The following MST1R variants were observed in gnomAD, a reference collection of about 807,000 sequenced individuals.
MST1R encodes macrophage-stimulating protein receptor.
MST1R carries 99 observed loss-of-function variants against 117.8 expected under a neutral mutation model. That is an observed-to-expected ratio of 0.84 (90% confidence interval 0.71 to 0.99). The LOEUF (loss-of-function observed/expected upper bound fraction) is 0.99. Among genes scored for constraint, MST1R ranks in the 50% least tolerant of loss-of-function variants. The pLI, the probability that MST1R is intolerant of heterozygous loss-of-function variation, is 0.00. For synonymous variants in MST1R, 734 were observed against 765.3 expected (o/e 0.96, Z 0.68); for missense variants, 1,683 against 1,840.2 (o/e 0.91, Z 1.56).
In MST1R at chr3:49,898,090, C is replaced by T. The variant is rs755407358; in HGVS notation, c.1841G>A (p.Ser614Asn). Residue 614 changes from serine to asparagine, a missense_variant, in exon 5 of 20, where the codon AGT becomes AAT. Physicochemically the swap from Ser to Asn is conservative, Grantham distance 46 (BLOSUM62 1). Coordinates refer to ENST00000296474, the MANE Select transcript of MST1R (RefSeq NM_002447.4). ...EGTHQVTVGQ[S>N]PCRPLPKDSS... ...GTCCTTGGGCAGTGGCCGGCAGGGA[C>T]TTTGGCCCACAGTGACCTGATGGGT... 1.2e-6 allele frequency: 2 copies of T among 1,614,078 alleles called. No homozygotes were observed. The highest frequency in any genetic ancestry group is 1.7e-6 in the Non-Finnish European group (2 of 1,180,032).
In MST1R at chr3:49,895,536, T is replaced by C. The variant is rs1485066264; in HGVS notation, c.2975A>G (p.Asn992Ser). Reference protein sequence around the residue: ...WRRKQLVLPPNLNDLASLDQT... With the variant: ...WRRKQLVLPPSLNDLASLDQT... ...GTCCAGGGATGCCAGGTCATTCAGG[T>C]TGGGAGGAAGAACTGTGGAAAGAGA... Residue 992 changes from asparagine (N) to serine (S), a missense_variant, in exon 13 of 20, where the codon AAC becomes AGC. Asn to Ser is a conservative substitution (Grantham distance 46). Coordinates refer to ENST00000296474, the MANE Select transcript of MST1R (RefSeq NM_002447.4). The C allele has an allele frequency of 1.2e-5, 20 of 1,613,916 alleles. No homozygotes were observed. The highest frequency in any genetic ancestry group is 1.7e-5 in the Non-Finnish European group (20 of 1,179,950).
chr3:49,891,155 G>A, intron 17 of MST1R, 42 bp downstream of exon 17: 1 of 1,572,652 alleles, frequency 6.4e-7, no homozygotes, highest in East Asian at 2.2e-5. Context: ...ACACCCTCAT[G>A]CCCTGTCCTT....
intron 18 of MST1R, 62 bp from the exon 19 acceptor site, chr3:49,890,122 C>A: frequency 6.5e-7 from 1 of 1,533,654 alleles, no homozygotes; most frequent in East Asian, 2.3e-5. Flanking sequence ...GGTGGGTCCC[C>A]CAGGGCTTCT....
intron 17 of MST1R, 82 bp from the exon 18 acceptor site, chr3:49,890,732 T>C (rs2082289852): frequency 7.2e-7 from 1 of 1,384,994 alleles, no homozygotes; most frequent in African/African-American, 1.5e-5. Flanking sequence ...TTACAGAATT[T>C]TTTTTTTTTT....
intron 1 of MST1R, 34 bp from the exon 2 acceptor site, chr3:49,899,297 T>A: frequency 7.4e-6 from 12 of 1,611,160 alleles, no homozygotes; most frequent in Non-Finnish European, 1.0e-5. Context: ...GGAGTCAGGG[T>A]TCAGCCTTGT....
chr3:49,903,808 G>T lies in MST1R; in HGVS notation c.-199C>A. ...CGGCCCTCGGGTCTGAGCACCTGAC[G>T]CCTGCGGACGCACGACAGCAACGCC... On this transcript the variant is annotated 5_prime_UTR_variant, in exon 1 of 20. Transcript: ENST00000296474. 1.5e-6 allele frequency: 1 copy of T among 657,386 alleles called. No individual in the cohort carries two copies. The highest frequency in any genetic ancestry group is 2.5e-6 in the Non-Finnish European group (1 of 407,570). The allele number at this position is 657,386 out of a possible 1,614,324, so 40.7% of individuals were successfully genotyped here. A position where few individuals can be genotyped will look rare whatever the true frequency, so the allele number is the denominator to read the frequency against.
intron 7 of MST1R, 29 bp from the exon 8 acceptor site, chr3:49,896,919 T>C (rs1311237792): frequency 1.4e-6 from 2 of 1,466,278 alleles, no homozygotes; most frequent in South Asian, 1.4e-5. Flanking sequence ...GGGCTCAAGG[T>C]TACCCTCTTT....
In MST1R at chr3:49,902,366, T is replaced by C; in HGVS notation, c.1230+14A>G. The C allele has an allele frequency of 6.2e-7, 1 of 1,609,292 alleles. No homozygotes were observed. Among genetic ancestry groups the C allele is most frequent in the South Asian group, 1.1e-5 (1 of 90,624 alleles). On this transcript the variant is annotated intron_variant, in intron 1 of 19. Transcript: ENST00000296474. ...CATGCAGCTCACAAGTAAGGGCCCC[T>C]TCTTTCAGCTTACCGGGTTGGGGCA... is the stretch of plus-strand genomic sequence containing the variant.
At chr3:49,889,835 G>A in intron 19 of MST1R, 89 bp downstream of exon 19, 1 of 1,526,338 alleles carries the variant, frequency 6.6e-7, no homozygotes, top group South Asian at 1.2e-5. Context: ...CAGAAGTTCA[G>A]TCAGGAAGCC....
chr3:49,895,387 G>A lies in MST1R; in HGVS notation c.3065-14C>T, dbSNP rs200123236. The A allele has an allele frequency of 9.3e-6, 15 of 1,614,210 alleles. No homozygotes were observed. In the Admixed American group the frequency reaches 2.0e-4, roughly 22 times the overall value. ...TGGCAGGGAGTGCTGTGGGGAGAGGGAATGAGGAGCTTGTAGGGACAGGGG... is the reference window on the plus strand; with the variant it reads ...TGGCAGGGAGTGCTGTGGGGAGAGGAAATGAGGAGCTTGTAGGGACAGGGG... On this transcript the variant is annotated splice_polypyrimidine_tract_variant and intron_variant, in intron 13 of 19. Transcript: ENST00000296474.
chr3:49,895,757 T>C lies in MST1R; in HGVS notation c.2920A>G (p.Thr974Ala). 1 of 1,613,380 alleles carries C rather than the reference T, an allele frequency of 6.2e-7. No individual in the cohort carries two copies. The highest frequency in any genetic ancestry group is 1.1e-5 in the South Asian group (1 of 91,078). ...PLLLLVAALA[T>A]ALVFSYWWRR... Reference sequence around the variant, plus strand: ...CACCAGTAGCTGAAGACCAGTGCAGTCGCCAGTGCAGCCACAAGCAGCAGC... The same window carrying C: ...CACCAGTAGCTGAAGACCAGTGCAGCCGCCAGTGCAGCCACAAGCAGCAGC... The change falls in exon 12 of 20, where the codon ACT (threonine) becomes GCT (alanine). Residue 974 changes from threonine to alanine, a missense_variant. Transcript: ENST00000296474.
chr3:49,895,613 G>A (rs1176167783), intron 12 of MST1R, 65 bp from the exon 13 acceptor site: 3 of 1,611,358 alleles, frequency 1.9e-6, no homozygotes, highest in Non-Finnish European at 2.5e-6. Context: ...CCTCTGGGGA[G>A]GACTTAGATC....
chr3:49,888,225 AG>A (rs1255976539), intron 19 of MST1R, among the ~76,000 whole-genome samples: 4 of 151,672 alleles, frequency 2.6e-5, no homozygotes, highest in African/African-American at 9.7e-5. Context: ...TCACGAGGTC[AG>A]GAGATCGAGA....
intron 14 of MST1R, among the ~76,000 whole-genome samples, chr3:49,893,059 A>C (rs558839692): frequency 1.3e-5 from 2 of 152,062 alleles, no homozygotes; most frequent in Admixed American, 1.3e-4. Context: ...CGGGCGGATC[A>C]CCTGAGGTCG....
rs2082563097 is a variant in MST1R, at chr3:49,898,647, G to C, written c.1590C>G (p.Phe530Leu). 2 of 1,614,204 alleles carry C rather than the reference G, an allele frequency of 1.2e-6. No homozygotes were observed. The highest frequency in any genetic ancestry group is 1.7e-6 in the Non-Finnish European group (2 of 1,180,048). The change falls in exon 4 of 20, where the codon TTC (phenylalanine) becomes TTG (leucine). Residue 530 changes from phenylalanine (F) to leucine (L), a missense_variant. Transcript: ENST00000296474. ...CCCTTAGGCAACGCCCACAGGTCAG[G>C]AAGTGGCGGCAGCCAGGGCCTTGGA... The part of the protein sequence containing the change: ...VPIQGPGCRH[F>L]LTCGRCLRAW...
At chr3:49,888,517 A>G (rs2082227333) in intron 19 of MST1R, among the ~76,000 whole-genome samples, 1 of 150,222 alleles carries the variant, frequency 6.7e-6, no homozygotes, top group African/African-American at 2.5e-5. Context: ...TAGGAGAATC[A>G]CTTGAACCTG....
chr3:49,890,182 G>C (rs1462416767), intron 18 of MST1R, 122 bp from the exon 19 acceptor site: 1 of 1,250,232 alleles, frequency 8.0e-7, no homozygotes, highest in Non-Finnish European at 1.1e-6. Context: ...CCTCCACTGA[G>C]AGCTCATTCC....
At position 49,890,603 on chromosome 3, in the gene MST1R, C is replaced by T. The variant is rs199869962; in HGVS notation, c.3692G>A (p.Arg1231His). The change falls in exon 18 of 20, where the codon CGC becomes CAC. Residue 1231 changes from arginine (R) to histidine (H), a missense_variant. Coordinates refer to ENST00000296474, the MANE Select transcript of MST1R (RefSeq NM_002447.4). ...ATAGTACTCCCTGTCCAGGATGTCGCGGGCCAAACCAAAGTCAGCCACCTT... is the reference window on the plus strand; with the variant it reads ...ATAGTACTCCCTGTCCAGGATGTCGTGGGCCAAACCAAAGTCAGCCACCTT... ...TVKVADFGLA[R>H]DILDREYYSV... 27 of 1,613,944 alleles carry T rather than the reference C, an allele frequency of 1.7e-5. No homozygotes were observed. Among genetic ancestry groups the T allele is most frequent in the South Asian group, 1.6e-4 (15 of 91,058 alleles).
Position 49,896,766 on chromosome 3 carries a change from G to C in MST1R, c.2308C>G (p.Pro770Ala). The change falls in exon 8 of 20, where the codon CCT (proline) becomes GCT (alanine). Residue 770 changes from proline (P) to alanine (A), a missense_variant. Transcript: ENST00000296474. Reference protein sequence around the residue: ...GSWTFQYREDPVVLSISPNCG... With the variant: ...GSWTFQYREDAVVLSISPNCG... ...TTGGGGCTGATGCTTAGCACGACAG[G>C]GTCTTCTCTGTACTGGAAGGTCCAG... The C allele has an allele frequency of 6.3e-7, 1 of 1,578,138 alleles. No individual in the cohort carries two copies. The highest frequency in any genetic ancestry group is 8.6e-7 in the Non-Finnish European group (1 of 1,160,446).
Sources: gnomAD v4.1 joint callset for allele counts (sites outside exome capture counted in the v4.1 genomes callset) on GRCh38, gnomAD v4.1.1 for gene constraint, MANE v1.5 for transcripts, NCBI Gene and HGNC (gene_info 2026-07-23, HGNC 2026-07-21) for gene names.